The following FANCB variants were observed in gnomAD, a reference collection of about 807,000 sequenced individuals.
FANCB encodes FA complementation group B.
In FANCB, 5 loss-of-function variants were observed where a neutral mutation model predicts 38.9. The ratio of observed to expected loss-of-function variants is 0.13; its 90% CI spans 0.07 to 0.27. FANCB has a LOEUF of 0.27. FANCB is among the 10% of genes least tolerant of loss of function. The pLI, the probability that FANCB is intolerant of heterozygous loss-of-function variation, is 1.00. For synonymous variants in FANCB, 236 were observed against 215.4 expected (o/e 1.10, Z -0.84); for missense variants, 573 against 602.7 (o/e 0.95, Z 0.52).
the FANCB span, among the ~76,000 whole-genome samples, chrX:14,742,448 T>C: frequency 8.9e-6 from 1 of 112,037 alleles, no homozygotes; most frequent in East Asian, 2.8e-4. Flanking sequence ...CTGAGTGTCC[T>C]TGAGCAAAGC....
the FANCB span, among the ~76,000 whole-genome samples, chrX:14,821,723 A>G: frequency 2.5e-3 from 284 of 111,758 alleles, 1 homozygote; most frequent in African/African-American, 9.1e-3. Context: ...ATAGGCATCA[A>G]GTGTGTATTC....
chrX:14,800,055 CA>C, the FANCB span, among the ~76,000 whole-genome samples: 1 of 111,850 alleles, frequency 8.9e-6, no homozygotes, highest in African/African-American at 3.3e-5. Flanking sequence ...TCAGTCTATT[CA>C]GATAACAGCA....
At chrX:14,773,882 G>A in the FANCB span, among the ~76,000 whole-genome samples, 6 of 111,059 alleles carry the variant, frequency 5.4e-5, no homozygotes, top group African/African-American at 9.8e-5. Context: ...AAGAAGTCCC[G>A]GGGAAGAGTC....
chrX:14,812,760 T>G, the FANCB span, among the ~76,000 whole-genome samples: 51 of 110,885 alleles, frequency 4.6e-4, no homozygotes, highest in African/African-American at 1.5e-3. Flanking sequence ...GTACCATTCC[T>G]TCTGAAACTA....
chrX:14,713,027 TGCCAGATAAAC>T, the FANCB span, among the ~76,000 whole-genome samples: 1 of 111,921 alleles, frequency 8.9e-6, no homozygotes, highest in African/African-American at 3.3e-5. Context: ...GGAGTGGTGG[TGCCAGATAAAC>T]AACAGATAAT....
At chrX:14,718,634 G>A in the FANCB span, among the ~76,000 whole-genome samples, 1 of 111,879 alleles carries the variant, frequency 8.9e-6, no homozygotes. Flanking sequence ...CTGTAGACTT[G>A]TTTGTCCACA....
the FANCB span, among the ~76,000 whole-genome samples, chrX:14,795,450 T>G: frequency 1.3e-4 from 15 of 111,171 alleles, no homozygotes; most frequent in Non-Finnish European, 2.5e-4. Context: ...GTAGTTTTAA[T>G]GAGAAGCAGC....
chrX:14,788,519 T>C, the FANCB span, among the ~76,000 whole-genome samples: 21 of 111,391 alleles, frequency 1.9e-4, no homozygotes, highest in Non-Finnish European at 4.0e-4. Context: ...AAGGAGCAGG[T>C]CCCTTCTCCT....
At chrX:14,762,377 G>C in the FANCB span, among the ~76,000 whole-genome samples, 2 of 110,333 alleles carry the variant, frequency 1.8e-5, no homozygotes, top group Non-Finnish European at 3.8e-5. Context: ...AGAATCCTGG[G>C]CTCAAGCAAT....
the FANCB span, among the ~76,000 whole-genome samples, chrX:14,810,401 G>A: frequency 1.8e-5 from 2 of 111,930 alleles, no homozygotes; most frequent in African/African-American, 6.5e-5. Flanking sequence ...CAAAGGCAAA[G>A]AAGTTAAAAA....
chrX:14,735,392 T>C, the FANCB span, among the ~76,000 whole-genome samples: 1 of 111,796 alleles, frequency 8.9e-6, no homozygotes, highest in South Asian at 3.7e-4. Flanking sequence ...GTCTTTGATG[T>C]TGGTGTCCTT....
the FANCB span, among the ~76,000 whole-genome samples, chrX:14,697,224 C>T: frequency 8.9e-6 from 1 of 111,895 alleles, no homozygotes; most frequent in Non-Finnish European, 1.9e-5. Context: ...ATCATACAGC[C>T]CAGTTTACCT....
the FANCB span, among the ~76,000 whole-genome samples, chrX:14,789,044 T>C: frequency 8.9e-6 from 1 of 112,242 alleles, no homozygotes; most frequent in Non-Finnish European, 1.9e-5. Context: ...TCCTATCCTA[T>C]GTAAAACACT....
At chrX:14,867,460 G>T (rs1199254360) in intron 2 of FANCB, among the ~76,000 whole-genome samples, 1 of 111,223 alleles carries the variant, frequency 9.0e-6, no homozygotes, top group East Asian at 2.8e-4. Context: ...TTTGACAAAG[G>T]TGCCAAGAAC....
the FANCB span, among the ~76,000 whole-genome samples, chrX:14,776,263 T>G: frequency 9.0e-6 from 1 of 111,653 alleles, no homozygotes; most frequent in Non-Finnish European, 1.9e-5. Flanking sequence ...TCAGCAATGA[T>G]AAAGCAAGTA....
In FANCB at chrX:14,865,420, T is replaced by A; in HGVS notation, c.91A>T (p.Asn31Tyr). ...EVLVFQLSKG[N>Y]FADKEPTKTP... ...TTTGTAGGCTCTTTATCTGCAAAATTTCCTTTAGACAACTGGAAAACAAGG... is the reference window on the plus strand; with the variant it reads ...TTTGTAGGCTCTTTATCTGCAAAATATCCTTTAGACAACTGGAAAACAAGG... The change falls in exon 3 of 10, where the codon AAT becomes TAT. Residue 31 changes from asparagine to tyrosine, a missense_variant. Transcript: ENST00000650831. 1 of 1,209,856 alleles carries A rather than the reference T, an allele frequency of 8.3e-7. No individual in the cohort carries two copies. The highest frequency in any genetic ancestry group is 1.1e-6 in the Non-Finnish European group (1 of 894,054).
the FANCB span, among the ~76,000 whole-genome samples, chrX:14,746,621 T>G: frequency 1.8e-5 from 2 of 111,822 alleles, no homozygotes; most frequent in Non-Finnish European, 3.8e-5. Flanking sequence ...AAGCGGACCC[T>G]AGAAACTTGA....
the FANCB span, among the ~76,000 whole-genome samples, chrX:14,804,186 T>A: frequency 1.8e-5 from 2 of 111,813 alleles, no homozygotes; most frequent in East Asian, 5.6e-4. Context: ...CATGCACACA[T>A]ATGTTTATTG....
At chrX:14,772,956 A>T in the FANCB span, among the ~76,000 whole-genome samples, 353 of 111,279 alleles carry the variant, frequency 3.2e-3, 1 homozygote, top group African/African-American at 0.011. Flanking sequence ...CGGGTGGGTC[A>T]TGGCCACACC....
Sources: gnomAD v4.1 joint callset for allele counts (sites outside exome capture counted in the v4.1 genomes callset) on GRCh38, gnomAD v4.1.1 for gene constraint, MANE v1.5 for transcripts, NCBI Gene and HGNC (gene_info 2026-07-23, HGNC 2026-07-21) for gene names.